Variants in HID1 observed in about 807,000 individuals in gnomAD.
HID1 encodes the protein HID1 domain containing, also known as protein HID1.
Under a neutral mutation model 89.7 loss-of-function variants are expected in HID1, and 42 were observed. The ratio of observed to expected loss-of-function variants is 0.47; its 90% CI spans 0.37 to 0.61. The LOEUF is 0.61. HID1 is among the 20% of genes least tolerant of loss of function. HID1 has a pLI of 0.00. For synonymous variants in HID1, 442 were observed against 433.8 expected (o/e 1.02, Z -0.24); for missense variants, 854 against 1,039.3 (o/e 0.82, Z 2.45).
intron 1 of HID1, among the ~76,000 whole-genome samples, chr17:74,966,793 C>CA (rs565440029): frequency 6.6e-6 from 1 of 151,708 alleles, no homozygotes. Context: ...CCTATCTCTA[C>CA]AAAAAATAAA....
chr17:74,958,185 C>T lies in HID1; in HGVS notation c.1427G>A (p.Arg476Gln), dbSNP rs1170400466. Residue 476 changes from arginine (R) to glutamine (Q), a missense_variant, in exon 12 of 19, where the codon CGG (arginine) becomes CAG (glutamine). By Grantham distance (43) the Arg-to-Gln change is conservative (BLOSUM62 1). Transcript: ENST00000425042. The surrounding 1 kb of genome is among the most constrained non-coding windows in gnomAD (Gnocchi z 5.2). Reference sequence around the variant, plus strand: ...CAGGCAGTCGAAGAGGGGCTGCAACCGCTGGTGCCCGCTGGTGATGATCTT... The same window carrying T: ...CAGGCAGTCGAAGAGGGGCTGCAACTGCTGGTGCCCGCTGGTGATGATCTT... Reference protein sequence around the residue: ...FHKIITSGHQRLQPLFDCLLT... With the variant: ...FHKIITSGHQQLQPLFDCLLT... 5 of 1,610,770 alleles carry T rather than the reference C, an allele frequency of 3.1e-6. No individual in the cohort carries two copies. The highest frequency in any genetic ancestry group is 1.3e-5 in the African/African-American group (1 of 74,970).
chr17:74,954,044 C>T, intron 14 of HID1, 94 bp downstream of exon 14: 4 of 1,213,992 alleles, frequency 3.3e-6, no homozygotes, highest in Admixed American at 2.0e-5. Context: ...ATAAGCCATG[C>T]TCTTTGCCAG....
rs367991712 is a variant in HID1, at chr17:74,958,879, T to G, written c.1149+32A>C. On this transcript the variant is annotated intron_variant, in intron 9 of 18. Transcript: ENST00000425042. The surrounding 1 kb of genome is among the most constrained non-coding windows in gnomAD (Gnocchi z 5.2). ...GGGTTATTGGGGCAGCTGCTCTCCA[T>G]CTCCCTGCAGGGCCCCTCGAGGCTG... 57 of 1,583,908 alleles carry G rather than the reference T, an allele frequency of 3.6e-5. 1 individual carries two copies. The African/African-American group carries it at 6.1e-4, about 17-fold the overall frequency.
rs747094646 is a variant in HID1, at chr17:74,952,222, ACCCCGGCCCCGCCCACAAC to A, written c.2144+28_2144+46del. 1.4e-5 allele frequency: 22 copies of A among 1,560,946 alleles called. No homozygotes were observed. The East Asian group carries it at 4.5e-4, about 32-fold the overall frequency. On this transcript the variant is annotated intron_variant, in intron 17 of 18. Transcript: ENST00000425042. ...GCCCACACCACCGGCCCCGCCCACA[ACCCCGGCCCCGCCCACAAC>A]CCCCGGCCCTGCCGGCGCCCGACTC...
intron 1 of HID1, 47 bp from the exon 2 acceptor site, chr17:74,964,679 G>C: frequency 6.4e-7 from 1 of 1,573,558 alleles, no homozygotes; most frequent in Non-Finnish European, 8.6e-7. Flanking sequence ...CTGGCCAGAG[G>C]GCCTACACTT....
chr17:74,962,897 A>T lies in HID1; in HGVS notation c.504+68T>A. 8.4e-7 allele frequency: 1 copy of T among 1,187,768 alleles called. No homozygotes were observed. The highest frequency in any genetic ancestry group is 1.2e-6 in the Non-Finnish European group (1 of 821,006). 73.6% of individuals were successfully genotyped at this position (1,187,768 alleles called of 1,614,324 possible). A position where few individuals can be genotyped will look rare whatever the true frequency, so the allele number is the denominator to read the frequency against. Reference sequence around the variant, plus strand: ...GTGCAATCCGCCCAAGGGAACTTCAACTGGCCCGGCCCCAACCCAGGACCA... The same window carrying T: ...GTGCAATCCGCCCAAGGGAACTTCATCTGGCCCGGCCCCAACCCAGGACCA... On this transcript the variant is annotated intron_variant, in intron 4 of 18. Transcript: ENST00000425042. The surrounding 1 kb of genome is among the most constrained non-coding windows in gnomAD (Gnocchi z 4.3).
intron 1 of HID1, among the ~76,000 whole-genome samples, chr17:74,969,295 C>T (rs543500040): frequency 3.7e-4 from 56 of 151,974 alleles, no homozygotes; most frequent in Admixed American, 1.8e-3. Flanking sequence ...CCCGGGTTCA[C>T]GCCATTCTCC....
rs1284701726 is a variant in HID1, at chr17:74,954,206, A to C, written c.1796T>G (p.Met599Arg). 6.2e-7 allele frequency: 1 copy of C among 1,600,760 alleles called. No homozygotes were observed. Among genetic ancestry groups the C allele is most frequent in the Non-Finnish European group, 8.5e-7 (1 of 1,175,118 alleles). The change falls in exon 14 of 19, where the codon ATG becomes AGG. Residue 599 changes from methionine (M) to arginine (R), a missense_variant. Coordinates refer to ENST00000425042, the MANE Select transcript of HID1 (RefSeq NM_030630.3). ...AGGGGCAGCGGGGCGGGAGCCCTCC[A>C]TGGAGGTGCCCTCCTGGGAGCCGGT... is the stretch of plus-strand genomic sequence containing the variant. ...SRTGSQEGTS[M>R]EGSRPAAPAE... is the part of the protein sequence containing the mutation.
chr17:74,952,873 G>C (rs1198162445), intron 16 of HID1, 133 bp downstream of exon 16: 4 of 669,606 alleles, frequency 6.0e-6, no homozygotes, highest in Non-Finnish European at 1.0e-5. Context: ...TTCTATGCTA[G>C]GGTCCTTTGA....
At chr17:74,951,783 C>T (rs1015041482) in intron 18 of HID1, 122 bp downstream of exon 18, 29 of 1,366,324 alleles carry the variant, frequency 2.1e-5, no homozygotes, top group African/African-American at 1.6e-4. Flanking sequence ...CAGGCAAGGC[C>T]GCCTTAGTTG....
At position 74,962,204 on chromosome 17, in the gene HID1, T is replaced by TTG. The variant is rs762848815; in HGVS notation, c.611+28_611+29dup. 1 of 1,556,808 alleles carries TTG rather than the reference T, an allele frequency of 6.4e-7. No homozygotes were observed. The highest frequency in any genetic ancestry group is 8.8e-7 in the Non-Finnish European group (1 of 1,134,376). On this transcript the variant is annotated intron_variant, in intron 5 of 18. Coordinates refer to ENST00000425042, the MANE Select transcript of HID1 (RefSeq NM_030630.3). This position sits in a 1 kb window ranked among gnomAD's most constrained non-coding sequence, Gnocchi z 4.3. Reference sequence around the variant, plus strand: ...GGGCCCGGCCCGGGGTCCAGCTGCATTGAGGGCTCCGGGCCTGGGCGAAGC... The same window carrying TTG: ...GGGCCCGGCCCGGGGTCCAGCTGCATTGTGAGGGCTCCGGGCCTGGGCGAAGC...
At position 74,959,748 on chromosome 17, in the gene HID1, C is replaced by G; in HGVS notation, c.1008+133G>C. The G allele has an allele frequency of 1.1e-6, 1 of 927,762 alleles. No homozygotes were observed. Among genetic ancestry groups the G allele is most frequent in the Admixed American group, 2.0e-5 (1 of 50,294 alleles). The allele number at this position is 927,762 out of a possible 1,614,324, so 57.5% of individuals were successfully genotyped here. On this transcript the variant is annotated intron_variant, in intron 8 of 18. Transcript: ENST00000425042. The surrounding 1 kb of genome is among the most constrained non-coding windows in gnomAD (Gnocchi z 4.6). ...GCATCTTGAAACCCTCACAGTCCTG[C>G]CACTATTTCACCTAGGGTGGCCCCA...
At position 74,968,135 on chromosome 17, in the gene HID1, T is replaced by C. The variant is rs771626301; in HGVS notation, c.67-3503A>G. Among the ~76,000 whole-genome samples the C allele has an allele frequency of 1.4e-4, 21 of 152,156 alleles. 1 individual carries two copies. The South Asian group carries it at 2.3e-3, about 17-fold the overall frequency. ...ATTTAATAATAATAATTCTGGTCTCTGAAGCTACTTCTTCTAAGAAGCCTC... is the reference window on the plus strand; with the variant it reads ...ATTTAATAATAATAATTCTGGTCTCCGAAGCTACTTCTTCTAAGAAGCCTC... On this transcript the variant is annotated intron_variant, in intron 1 of 18. Transcript: ENST00000425042.
In HID1 at chr17:74,959,897, C is replaced by T. The variant is rs769272077; in HGVS notation, c.992G>A (p.Arg331His). Reference protein sequence around the residue: ...PENLFVNYLSRIHREEDFQFI... With the variant: ...PENLFVNYLSHIHREEDFQFI... ...TGGACTTGCCTCCTCACGATGGATG[C>T]GGGACAGGTAGTTCACAAACAGGTT... The change falls in exon 8 of 19, where the codon CGC becomes CAC. Residue 331 changes from arginine (R) to histidine (H), a missense_variant. Arg to His is a conservative substitution (Grantham distance 29). Coordinates refer to ENST00000425042, the MANE Select transcript of HID1 (RefSeq NM_030630.3). The surrounding 1 kb of genome is among the most constrained non-coding windows in gnomAD (Gnocchi z 4.6). 7.4e-6 allele frequency: 12 copies of T among 1,613,574 alleles called. No homozygotes were observed. The highest frequency in any genetic ancestry group is 4.0e-5 in the African/African-American group (3 of 74,930).
intron 2 of HID1, 65 bp downstream of exon 2, chr17:74,964,418 C>T: frequency 6.5e-7 from 1 of 1,535,430 alleles, no homozygotes; most frequent in Non-Finnish European, 8.8e-7. Flanking sequence ...CCTGGATGCG[C>T]CTGCCTTCTC....
Position 74,953,023 on chromosome 17 carries a change from T to G in HID1, c.2035A>C (p.Ser679Arg). 2 of 1,608,074 alleles carry G rather than the reference T, an allele frequency of 1.2e-6. No individual in the cohort carries two copies. Among genetic ancestry groups the G allele is most frequent in the Non-Finnish European group, 1.7e-6 (2 of 1,178,100 alleles). ...CTCCTCACCCACTCTGGCGTTGGGC[T>G]CCACTGCCCACTGGCTGATGAGGTG... ...PSTSSASGQW[S>R]PTPEWVLSWK... The change falls in exon 16 of 19, where the codon AGC becomes CGC. Residue 679 changes from serine (S) to arginine (R), a missense_variant. Coordinates refer to ENST00000425042, the MANE Select transcript of HID1 (RefSeq NM_030630.3).
chr17:74,952,222 A>AC (rs760990866), intron 17 of HID1, 47 bp downstream of exon 17: 9 of 1,560,836 alleles, frequency 5.8e-6, no homozygotes, highest in Admixed American at 3.5e-5. Context: ...CCCGCCCACA[A>AC]CCCCGGCCCC....
intron 13 of HID1, chr17:74,954,718 T>C: frequency 3.1e-6 from 1 of 320,004 alleles, no homozygotes; most frequent in Non-Finnish European, 5.9e-6. Flanking sequence ...CTGACTCTCT[T>C]CCCACCTCCC....
intron 14 of HID1, 128 bp downstream of exon 14, chr17:74,953,991 CCCCCATCCCTGTTGCCCAG>C: frequency 1.2e-6 from 1 of 801,518 alleles, no homozygotes; most frequent in Non-Finnish European, 2.1e-6. Flanking sequence ...CAGTACCCTC[CCCCCATCCCTGTTGCCCAG>C]CCCCATCCCC....
Sources: allele counts gnomAD v4.1 joint callset (sites outside exome capture counted in the v4.1 genomes callset), GRCh38; gene constraint gnomAD v4.1.1; non-coding constraint Gnocchi (gnomAD v3.1); transcripts MANE v1.5; gene names NCBI Gene and HGNC (gene_info 2026-07-23, HGNC 2026-07-21).